The following RSPO2 variants were observed in gnomAD, a reference collection of about 807,000 sequenced individuals.
The protein encoded by RSPO2 is R-spondin-2.
Under a neutral mutation model 30.9 loss-of-function variants are expected in RSPO2, and 14 were observed. The observed-to-expected ratio is 0.45, with a 90% CI of 0.30 to 0.71. The LOEUF (loss-of-function observed/expected upper bound fraction) is 0.71. Among genes scored for constraint, RSPO2 ranks in the 30% least tolerant of loss-of-function variants. RSPO2 has a pLI of 0.08. For missense variants in RSPO2, 264 were observed against 301.9 expected, an observed-to-expected ratio of 0.87 and a Z score of 0.93; for synonymous variants, 107 against 96.4, an observed-to-expected ratio of 1.11 and a Z score of -0.64.
intron 2 of RSPO2, among the ~76,000 whole-genome samples, chr8:108,077,492 C>T (rs1456560169): frequency 6.6e-6 from 1 of 152,030 alleles, no homozygotes; most frequent in East Asian, 1.9e-4. Context: ...TCCCTGCCAC[C>T]CCCTTTCCCA....
At chr8:108,031,151 A>G (rs1811405683) in intron 2 of RSPO2, among the ~76,000 whole-genome samples, 1 of 152,220 alleles carries the variant, frequency 6.6e-6, no homozygotes, top group South Asian at 2.1e-4. Context: ...GAACAAGCAT[A>G]ATTTGAACCA....
chr8:107,983,405 A>G, intron 3 of RSPO2: 2 of 1,603,866 alleles, frequency 1.2e-6, no homozygotes, highest in Non-Finnish European at 1.7e-6. Context: ...GTAGCTGCCC[A>G]TCTTCAGGCA....
At chr8:107,924,547 C>A (rs886575475) in intron 5 of RSPO2, among the ~76,000 whole-genome samples, 2 of 151,914 alleles carry the variant, frequency 1.3e-5, no homozygotes, top group African/African-American at 4.8e-5. Context: ...GGCCAAGACT[C>A]CTCTGAATTA....
chr8:108,039,745 G>A (rs1420154172), intron 2 of RSPO2, among the ~76,000 whole-genome samples: 1 of 152,032 alleles, frequency 6.6e-6, no homozygotes, highest in African/African-American at 2.4e-5. Context: ...TCAAGCACAT[G>A]TATGCTTTGT....
intron 2 of RSPO2, among the ~76,000 whole-genome samples, chr8:108,054,991 C>T (rs981218470): frequency 2.6e-5 from 4 of 152,018 alleles, no homozygotes; most frequent in African/African-American, 9.7e-5. Flanking sequence ...TGTGGTGGTG[C>T]GTGCCTGTAG....
At chr8:108,020,928 G>A (rs567595386) in intron 2 of RSPO2, among the ~76,000 whole-genome samples, 21 of 152,122 alleles carry the variant, frequency 1.4e-4, no homozygotes, top group Non-Finnish European at 2.6e-4. Flanking sequence ...ATTTTCATGT[G>A]CCCAGAGTCC....
intron 2 of RSPO2, among the ~76,000 whole-genome samples, chr8:108,007,969 T>TAC (rs1394351455): frequency 1.3e-5 from 2 of 151,954 alleles, no homozygotes; most frequent in African/African-American, 2.4e-5. Flanking sequence ...AAATTAAAAA[T>TAC]ACACCTTGCC....
intron 2 of RSPO2, among the ~76,000 whole-genome samples, chr8:108,032,514 T>C (rs1427653667): frequency 6.6e-6 from 1 of 152,242 alleles, no homozygotes. Flanking sequence ...CCTAGATACA[T>C]ATTATTTCCC....
intron 4 of RSPO2, among the ~76,000 whole-genome samples, chr8:107,959,792 A>T (rs1371578630): frequency 1.3e-5 from 2 of 152,184 alleles, no homozygotes; most frequent in African/African-American, 4.8e-5. Context: ...AAATGCACAC[A>T]TTTCTTCAAA....
intron 2 of RSPO2, among the ~76,000 whole-genome samples, chr8:107,991,311 C>T (rs1814841446): frequency 6.6e-6 from 1 of 151,446 alleles, no homozygotes; most frequent in Non-Finnish European, 1.5e-5. Context: ...AAAAGATTCA[C>T]TATTCAATAA....
At chr8:108,041,341 G>A (rs1480561451) in intron 2 of RSPO2, among the ~76,000 whole-genome samples, 1 of 151,538 alleles carries the variant, frequency 6.6e-6, no homozygotes, top group Admixed American at 6.6e-5. Context: ...TTTATTTAAT[G>A]TATGACATTA....
chr8:108,045,577 A>G (rs921772697), intron 2 of RSPO2, among the ~76,000 whole-genome samples: 6 of 152,164 alleles, frequency 3.9e-5, no homozygotes, highest in African/African-American at 1.4e-4. Context: ...AGGAGTATAA[A>G]GAAGTATGTT....
rs568583994 is a variant in RSPO2 at position 107,960,816 on chromosome 8, T to C, written c.285A>G (p.Arg95=). 1.3e-6 allele frequency: 2 copies of C among 1,571,294 alleles called. No homozygotes were observed. Among genetic ancestry groups the C allele is most frequent in the Admixed American group, 4.1e-5 (2 of 48,222 alleles). ...HRAPDMNRCA[R]CRIENCDSCF... ...AAGAATCACAGTTTTCTATTCTGCA[T>C]CCTAAAAACAATTTTAAAGAGAAAA... is the stretch of plus-strand genomic sequence containing the variant. The change falls in exon 4 of 6, where the codon AGA becomes AGG. Residue 95 remains arginine (R), a splice_region_variant and synonymous_variant. Transcript: ENST00000276659.
chr8:108,063,773 A>T (rs895210944), intron 2 of RSPO2, among the ~76,000 whole-genome samples: 1 of 152,132 alleles, frequency 6.6e-6, no homozygotes, highest in African/African-American at 2.4e-5. Flanking sequence ...ACCTGACTTC[A>T]AACTATACTA....
intron 2 of RSPO2, among the ~76,000 whole-genome samples, chr8:107,998,964 C>A (rs914206074): frequency 5.3e-5 from 8 of 152,110 alleles, no homozygotes; most frequent in South Asian, 2.1e-4. Flanking sequence ...GAATTGCTTG[C>A]GCCCAGGAAG....
chr8:107,915,180 G>A (rs1294571297), intron 5 of RSPO2, among the ~76,000 whole-genome samples: 1 of 152,166 alleles, frequency 6.6e-6, no homozygotes, highest in African/African-American at 2.4e-5. Context: ...CTACATAAAT[G>A]TGTGTTTTTA....
At chr8:107,968,423 ATGG>A (rs1160799556) in intron 3 of RSPO2, among the ~76,000 whole-genome samples, 2 of 152,114 alleles carry the variant, frequency 1.3e-5, no homozygotes, top group South Asian at 2.1e-4. Flanking sequence ...AGAGAGTAGA[ATGG>A]TGGTTACCAG....
Position 107,978,604 on chromosome 8 carries a change from C to A in RSPO2, c.283+10452G>T, listed in dbSNP as rs201913029. On this transcript the variant is annotated intron_variant, in intron 3 of 5. Coordinates refer to ENST00000276659, the MANE Select transcript of RSPO2 (RefSeq NM_178565.5). ...AGAAGAAAACCTAGGCAATACCACT[C>A]AGGACATAGGCAAGGGCAAGGACTT... Among the ~76,000 whole-genome samples the A allele has an allele frequency of 2.0e-5, 3 of 152,178 alleles. No homozygotes were observed. In the East Asian group the frequency reaches 5.8e-4, roughly 29 times the overall value.
intron 5 of RSPO2, among the ~76,000 whole-genome samples, chr8:107,920,186 A>G (rs1244186380): frequency 6.6e-6 from 1 of 152,078 alleles, no homozygotes; most frequent in African/African-American, 2.4e-5. Flanking sequence ...TCTCTTTCTT[A>G]AGGATGAGAC....
Sources: allele counts gnomAD v4.1 joint callset (sites outside exome capture counted in the v4.1 genomes callset), GRCh38; gene constraint gnomAD v4.1.1; transcripts MANE v1.5; gene names NCBI Gene and HGNC (gene_info 2026-07-23, HGNC 2026-07-21).